CADM2: variants seen among roughly 807,000 people sequenced by gnomAD.
CADM2 encodes the protein immunoglobulin superfamily member 4D.
CADM2 carries 12 observed loss-of-function variants against 49.8 expected under a neutral mutation model. The ratio of observed to expected loss-of-function variants is 0.24; its 90% CI spans 0.15 to 0.39. The LOEUF is 0.39. Ranked by LOEUF, CADM2 falls within the 10% of genes least tolerant of loss-of-function variation. The probability of loss-of-function intolerance (pLI) is 1.00; values close to 1 mark genes in which losing one functional copy is unlikely to be tolerated. For missense variants in CADM2, 378 were observed against 492.3 expected (o/e 0.77, Z 2.20); for synonymous variants, 214 against 175.4 (o/e 1.22, Z -1.74).
rs181747262 is a variant in CADM2 at position 85,430,498 on chromosome 3, A to G, written c.62-296024A>G. Among the ~76,000 whole-genome samples, 431 of 152,054 alleles carry G rather than the reference A, an allele frequency of 2.8e-3. 3 individuals are homozygous for G. The highest frequency in any genetic ancestry group is 9.8e-3 in the African/African-American group (408 of 41,462). Reference sequence around the variant, plus strand: ...GCACCACTGCACTCCTGCCTGGGTGACAGAGCAAGACCTTGTCTCAAAAAA... The same window carrying G: ...GCACCACTGCACTCCTGCCTGGGTGGCAGAGCAAGACCTTGTCTCAAAAAA... On this transcript the variant is annotated intron_variant, in intron 1 of 9. Coordinates refer to ENST00000383699, the MANE Select transcript of CADM2 (RefSeq NM_001167675.2).
chr3:86,059,113 AT>A (rs1357074506), intron 8 of CADM2, among the ~76,000 whole-genome samples: 1 of 146,238 alleles, frequency 6.8e-6, no homozygotes, highest in Non-Finnish European at 1.5e-5. Context: ...AAAAAAAAAA[AT>A]TCCAACACTA....
rs554079266 is a variant in CADM2, at chr3:85,940,711, G to A, written c.791+4854G>A. Among the ~76,000 whole-genome samples, 331 of 152,132 alleles carry A rather than the reference G, an allele frequency of 2.2e-3. 1 individual carries two copies. The highest frequency in any genetic ancestry group is 0.015 in the South Asian group (70 of 4,820). On this transcript the variant is annotated intron_variant, in intron 7 of 9. Coordinates refer to ENST00000383699, the MANE Select transcript of CADM2 (RefSeq NM_001167675.2). ...GATGCCTAAGGTGTCATACTTTGAG[G>A]CACAAAATGTTTGGAGGTATTGTAG... is the stretch of plus-strand genomic sequence containing the variant.
chr3:85,713,682 A>T (rs2067193500), intron 1 of CADM2, among the ~76,000 whole-genome samples: 1 of 152,158 alleles, frequency 6.6e-6, no homozygotes, highest in South Asian at 2.1e-4. Context: ...GTCCTTAATT[A>T]TATTACGGTA....
intron 1 of CADM2, among the ~76,000 whole-genome samples, chr3:85,389,162 G>A (rs746983180): frequency 6.6e-6 from 1 of 152,046 alleles, no homozygotes; most frequent in Non-Finnish European, 1.5e-5. Context: ...TAGAGTAATT[G>A]AATAGAATGG....
At chr3:85,369,302 G>A (rs147697015) in intron 1 of CADM2, among the ~76,000 whole-genome samples, 3 of 152,304 alleles carry the variant, frequency 2.0e-5, no homozygotes, top group East Asian at 3.9e-4. Flanking sequence ...TTCAGTCAAT[G>A]ACATATCATG....
chr3:85,389,255 A>AG (rs2034400584), intron 1 of CADM2, among the ~76,000 whole-genome samples: 1 of 152,104 alleles, frequency 6.6e-6, no homozygotes, highest in African/African-American at 2.4e-5. Context: ...AGGAAGTAAA[A>AG]GGGGATGCTG....
At chr3:85,557,942 C>T (rs751535713) in intron 1 of CADM2, among the ~76,000 whole-genome samples, 8 of 151,942 alleles carry the variant, frequency 5.3e-5, no homozygotes, top group Non-Finnish European at 1.0e-4. Context: ...AATCTACGTT[C>T]GTAAAGAGAA....
rs554437136 is a variant in CADM2 at position 85,977,495 on chromosome 3, G to A, written c.970+15848G>A. Among the ~76,000 whole-genome samples the A allele has an allele frequency of 4.6e-5, 7 of 151,236 alleles. No homozygotes were observed. The East Asian group carries it at 9.8e-4, about 21-fold the overall frequency. On this transcript the variant is annotated intron_variant, in intron 8 of 9. Coordinates refer to ENST00000383699, the MANE Select transcript of CADM2 (RefSeq NM_001167675.2). ...AATCAGCAAATAATTTTGCTAACAA[G>A]GTATTATTTTCTATTTTAGATAAGT...
intron 1 of CADM2, among the ~76,000 whole-genome samples, chr3:85,111,559 A>G (rs766964219): frequency 1.3e-5 from 2 of 151,878 alleles, no homozygotes; most frequent in Non-Finnish European, 2.9e-5. Context: ...GGGATCTAAA[A>G]ATCAAATCAA....
intron 1 of CADM2, among the ~76,000 whole-genome samples, chr3:85,604,466 T>G (rs1344225692): frequency 6.6e-6 from 1 of 151,994 alleles, no homozygotes; most frequent in Non-Finnish European, 1.5e-5. Context: ...CTGTATTAGT[T>G]TACCCATGTG....
At chr3:85,484,866 T>C (rs1363651566) in intron 1 of CADM2, among the ~76,000 whole-genome samples, 1 of 151,960 alleles carries the variant, frequency 6.6e-6, no homozygotes, top group Non-Finnish European at 1.5e-5. Context: ...TATTTTATAG[T>C]CATATGATAG....
At chr3:85,027,802 A>G (rs967372114) in intron 1 of CADM2, among the ~76,000 whole-genome samples, 1 of 152,200 alleles carries the variant, frequency 6.6e-6, no homozygotes, top group African/African-American at 2.4e-5. Context: ...ACTTGCTAAC[A>G]TTGCCAATAG....
chr3:85,449,052 A>AAAAAAAATAAT (rs71617939), intron 1 of CADM2, among the ~76,000 whole-genome samples: 1 of 107,406 alleles, frequency 9.3e-6, no homozygotes, highest in Non-Finnish European at 2.1e-5. Flanking sequence ...TCCAACTCAA[A>AAAAAAAATAAT]AATAATAATA....
rs1425598386 is a variant in CADM2 at position 85,503,495 on chromosome 3, A to C, written c.62-223027A>C. Among the ~76,000 whole-genome samples, 4 of 152,204 alleles carry C rather than the reference A, an allele frequency of 2.6e-5. No homozygotes were observed. In the East Asian group the frequency reaches 7.7e-4, roughly 29 times the overall value. ...TTTTGCATTATTTTTCTTTATTTGA[A>C]TGTAACACAATCTAGATCATGCTGG... On this transcript the variant is annotated intron_variant, in intron 1 of 9. Transcript: ENST00000383699.
chr3:85,956,541 G>A (rs1259503360), intron 7 of CADM2, among the ~76,000 whole-genome samples: 1 of 151,504 alleles, frequency 6.6e-6, no homozygotes. Context: ...ATTTATCACA[G>A]AGACTAGGAT....
At chr3:86,012,638 G>C (rs1454924942) in intron 8 of CADM2, 6 of 1,543,622 alleles carry the variant, frequency 3.9e-6, no homozygotes, top group Non-Finnish European at 5.3e-6. Flanking sequence ...GTTCCCGCGG[G>C]ACCCGGCCAG....
chr3:85,314,643 C>A (rs1272926627), intron 1 of CADM2, among the ~76,000 whole-genome samples: 1 of 151,946 alleles, frequency 6.6e-6, no homozygotes, highest in Non-Finnish European at 1.5e-5. Flanking sequence ...TTTAATGATA[C>A]CTCTTACTCA....
At chr3:85,718,886 TTATTATTATTA>T (rs2067396359) in intron 1 of CADM2, among the ~76,000 whole-genome samples, 1 of 39,844 alleles carries the variant, frequency 2.5e-5, no homozygotes, top group African/African-American at 9.7e-5. Flanking sequence ...TGGTATTTTA[TTATTATTATTA>T]TTATTATTAT....
At chr3:85,071,724 T>C (rs2036750714) in intron 1 of CADM2, among the ~76,000 whole-genome samples, 1 of 152,024 alleles carries the variant, frequency 6.6e-6, no homozygotes, top group Non-Finnish European at 1.5e-5. Flanking sequence ...TTTGTAAAGG[T>C]AAATAAGAAC....
Sources: gnomAD v4.1 joint callset for allele counts (sites outside exome capture counted in the v4.1 genomes callset) on GRCh38, gnomAD v4.1.1 for gene constraint, MANE v1.5 for transcripts, NCBI Gene and HGNC (gene_info 2026-07-23, HGNC 2026-07-21) for gene names.